Variants in FNTB observed in about 807,000 individuals in gnomAD.
The protein encoded by FNTB is protein farnesyltransferase subunit beta.
FNTB carries 27 observed loss-of-function variants against 59.4 expected under a neutral mutation model. The ratio of observed to expected loss-of-function variants is 0.45; its 90% CI spans 0.34 to 0.63. FNTB has a LOEUF of 0.63. Among genes scored for constraint, FNTB ranks in the 20% least tolerant of loss-of-function variants. FNTB has a pLI of 0.02. For synonymous variants in FNTB, 230 were observed against 220.7 expected (o/e 1.04, Z -0.37); for missense variants, 449 against 559.6 (o/e 0.80, Z 1.99).
At chr14:65,057,135 A>T (rs1365446731) in intron 11 of FNTB, among the ~76,000 whole-genome samples, 4 of 152,262 alleles carry the variant, frequency 2.6e-5, no homozygotes, top group Non-Finnish European at 4.4e-5. Flanking sequence ...TCCACCCCTC[A>T]AACCCAAACA....
chr14:64,996,660 T>A lies in FNTB; in HGVS notation c.145-7589T>A, dbSNP rs184437439. Among the ~76,000 whole-genome samples, 780 of 152,224 alleles carry A rather than the reference T, an allele frequency of 5.1e-3. 3 individuals are homozygous for A. The highest frequency in any genetic ancestry group is 7.9e-3 in the Non-Finnish European group (538 of 68,018). On this transcript the variant is annotated intron_variant, in intron 1 of 11. Coordinates refer to ENST00000246166, the MANE Select transcript of FNTB (RefSeq NM_002028.4). ...TGAGGTATCACAAAACTAAGCACTTTGAAATCCTTTTCCTTTATTTTTCTA... is the reference window on the plus strand; with the variant it reads ...TGAGGTATCACAAAACTAAGCACTTAGAAATCCTTTTCCTTTATTTTTCTA...
chr14:65,009,890 C>G lies in FNTB; in HGVS notation c.210-2427C>G, dbSNP rs1170116016. Among the ~76,000 whole-genome samples, 1 of 152,172 alleles carries G rather than the reference C, an allele frequency of 6.6e-6. No homozygotes were observed. The highest frequency in any genetic ancestry group is 1.5e-5 in the Non-Finnish European group (1 of 68,034). ...GACAGGGCTCTGCTTGTCATTTTCA[C>G]ATGTGTGTCCACCTCTGGACTGTCG... On this transcript the variant is annotated intron_variant, in intron 2 of 11. Transcript: ENST00000246166. The surrounding 1 kb of genome is among the most constrained non-coding windows in gnomAD (Gnocchi z 4.2).
chr14:65,033,974 T>C (rs1024169529), intron 7 of FNTB, among the ~76,000 whole-genome samples: 10 of 152,242 alleles, frequency 6.6e-5, no homozygotes, highest in African/African-American at 2.4e-4. Context: ...TGTATTACCA[T>C]ATAAATATAA....
chr14:65,037,292 T>TGG (rs1424949839), intron 7 of FNTB, among the ~76,000 whole-genome samples: 2 of 149,104 alleles, frequency 1.3e-5, no homozygotes, highest in African/African-American at 2.5e-5. Flanking sequence ...TTAGTAGAGA[T>TGG]GGGGTTTTAC....
intron 11 of FNTB, among the ~76,000 whole-genome samples, chr14:65,059,867 G>A (rs997802240): frequency 2.9e-5 from 4 of 135,800 alleles, no homozygotes; most frequent in African/African-American, 5.9e-5. Context: ...ACAGAGTCTC[G>A]CTGTTGCCCA....
rs376696058 is a variant in FNTB, at chr14:65,043,815, C to T, written c.823-496C>T. On this transcript the variant is annotated intron_variant, in intron 8 of 11. Transcript: ENST00000246166. ...CCGCAGTCCGGCCTGGGCGACAGAG[C>T]GAGACTCCGTCTCAAAAAAAAAAAA... is the stretch of plus-strand genomic sequence containing the variant. Among the ~76,000 whole-genome samples the T allele has an allele frequency of 1.7e-3, 186 of 110,540 alleles. 4 individuals are homozygous for T. The South Asian group carries it at 0.056, about 33-fold the overall frequency. 72.5% of individuals were successfully genotyped at this position (110,540 alleles called of 152,430 possible). A position where few individuals can be genotyped will look rare whatever the true frequency, so the allele number is the denominator to read the frequency against.
intron 4 of FNTB, among the ~76,000 whole-genome samples, chr14:65,019,680 T>A (rs2061850150): frequency 6.6e-6 from 1 of 152,238 alleles, no homozygotes. Flanking sequence ...TACCTGTGGT[T>A]CTTCTACGCA....
At position 65,014,778 on chromosome 14, in the gene FNTB, C is replaced by T. The variant is rs748766443; in HGVS notation, c.283-847C>T. ...GCAGTGAGCTGAGATCATACCACTGCACTCTAGCCTGGGTGACAGAGCGAG... is the reference window on the plus strand; with the variant it reads ...GCAGTGAGCTGAGATCATACCACTGTACTCTAGCCTGGGTGACAGAGCGAG... On this transcript the variant is annotated intron_variant, in intron 3 of 11. Coordinates refer to ENST00000246166, the MANE Select transcript of FNTB (RefSeq NM_002028.4). The surrounding 1 kb of genome is among the most constrained non-coding windows in gnomAD (Gnocchi z 5.1). 3.3e-5 allele frequency among the ~76,000 whole-genome samples: 5 copies of T among 152,144 alleles called. No individual in the cohort carries two copies. The highest frequency in any genetic ancestry group is 1.2e-4 in the African/African-American group (5 of 41,438).
chr14:65,044,501 G>A lies in FNTB; in HGVS notation c.955+58G>A. On this transcript the variant is annotated intron_variant, in intron 9 of 11. Transcript: ENST00000246166. The surrounding 1 kb of genome is among the most constrained non-coding windows in gnomAD (Gnocchi z 5.5). ...ATGATTTCCCTCCACTACTCACAAA[G>A]TCTGGAAGCCCAGCGTGCTTTTTTA... is the stretch of plus-strand genomic sequence containing the variant. The A allele has an allele frequency of 3.2e-6, 5 of 1,559,718 alleles. No homozygotes were observed. In the South Asian group the frequency reaches 3.6e-5, roughly 11 times the overall value.
chr14:65,000,893 C>T lies in FNTB; in HGVS notation c.145-3356C>T, dbSNP rs573015116. ...AAGAAAAGCAAAAGAAAAGAAGAGG[C>T]GATTCCTAAATTGTTTACCAAGACT... On this transcript the variant is annotated intron_variant, in intron 1 of 11. Transcript: ENST00000246166. 4.7e-4 allele frequency among the ~76,000 whole-genome samples: 70 copies of T among 147,886 alleles called. 4 individuals are homozygous for T. The South Asian group carries it at 0.015, about 31-fold the overall frequency.
chr14:65,019,479 T>C (rs1374977280), intron 4 of FNTB, among the ~76,000 whole-genome samples: 3 of 149,894 alleles, frequency 2.0e-5, no homozygotes, highest in African/African-American at 7.4e-5. Context: ...AGAAGGAGAC[T>C]GTTGTCTCAA....
chr14:65,005,202 G>A (rs72728236), intron 2 of FNTB, among the ~76,000 whole-genome samples: 14,237 of 152,234 alleles, frequency 0.094, 893 homozygotes, highest in Admixed American at 0.16. Context: ...CAGGTATTTT[G>A]AAAAGGGAAT....
Position 65,033,972 on chromosome 14 carries a change from CATATAA to C in FNTB, c.692+1283_692+1288del, listed in dbSNP as rs2062139835. 2.0e-5 allele frequency among the ~76,000 whole-genome samples: 3 copies of C among 152,068 alleles called. No individual in the cohort carries two copies. The South Asian group carries it at 6.2e-4, about 32-fold the overall frequency. On this transcript the variant is annotated intron_variant, in intron 7 of 11. Coordinates refer to ENST00000246166, the MANE Select transcript of FNTB (RefSeq NM_002028.4). ...TTTTTATCAAAGTAGTATGTATTAC[CATATAA>C]ATATAATTTACAGTGATACCAGATG...
chr14:65,060,380 G>C (rs1206804486), intron 11 of FNTB, among the ~76,000 whole-genome samples: 1 of 150,392 alleles, frequency 6.6e-6, no homozygotes. Context: ...CCTGAGGTCA[G>C]GAGTTCGAGA....
At position 64,986,931 on chromosome 14, in the gene FNTB, C is replaced by T; in HGVS notation, c.-23C>T. On this transcript the variant is annotated 5_prime_UTR_variant, in exon 1 of 12. Transcript: ENST00000246166. Reference sequence around the variant, plus strand: ...TTGCTTAACGAAGCAGAGTCCTACACACTGTCTGCTGCTCTCCTGATCATG... The same window carrying T: ...TTGCTTAACGAAGCAGAGTCCTACATACTGTCTGCTGCTCTCCTGATCATG... 1.2e-6 allele frequency: 2 copies of T among 1,613,728 alleles called. No homozygotes were observed. Among genetic ancestry groups the T allele is most frequent in the Non-Finnish European group, 1.7e-6 (2 of 1,179,590 alleles).
intron 2 of FNTB, chr14:65,006,156 CTTTT>C (rs367570902): frequency 6.5e-4 from 966 of 1,491,312 alleles, no homozygotes; most frequent in South Asian, 1.1e-3. Flanking sequence ...ACCTTTGTGT[CTTTT>C]TTTTTTTTTT....
rs112323207 is a variant in FNTB at position 65,044,522 on chromosome 14, T to C, written c.955+79T>C. The C allele has an allele frequency of 3.2e-4, 499 of 1,541,720 alleles. 3 individuals are homozygous for C. The African/African-American group carries it at 5.9e-3, about 18-fold the overall frequency. ...CAAAGTCTGGAAGCCCAGCGTGCTT[T>C]TTTAGAGGGGTTGAAATGAGCTCTG... On this transcript the variant is annotated intron_variant, in intron 9 of 11. Transcript: ENST00000246166. This position sits in a 1 kb window ranked among gnomAD's most constrained non-coding sequence, Gnocchi z 5.5.
At position 65,027,915 on chromosome 14, in the gene FNTB, G is replaced by C; in HGVS notation, c.605+134G>C. 2.7e-6 allele frequency: 3 copies of C among 1,121,718 alleles called. No homozygotes were observed. Among genetic ancestry groups the C allele is most frequent in the Non-Finnish European group, 3.9e-6 (3 of 774,282 alleles). 69.5% of individuals were successfully genotyped at this position (1,121,718 alleles called of 1,614,324 possible). A position where few individuals can be genotyped will look rare whatever the true frequency, so the allele number is the denominator to read the frequency against. On this transcript the variant is annotated intron_variant, in intron 6 of 11. Coordinates refer to ENST00000246166, the MANE Select transcript of FNTB (RefSeq NM_002028.4). The surrounding 1 kb of genome is among the most constrained non-coding windows in gnomAD (Gnocchi z 5.7). ...GAATGACACATGGGATGACATGTCAGTGACACGTCAGAATCATTCAGATGT... is the reference window on the plus strand; with the variant it reads ...GAATGACACATGGGATGACATGTCACTGACACGTCAGAATCATTCAGATGT...
At chr14:64,989,454 C>T (rs1305947420) in intron 1 of FNTB, among the ~76,000 whole-genome samples, 3 of 150,988 alleles carry the variant, frequency 2.0e-5, no homozygotes, top group Non-Finnish European at 2.9e-5. Context: ...AAACAAAAAA[C>T]GACTATACTG....
Sources: allele counts gnomAD v4.1 joint callset (sites outside exome capture counted in the v4.1 genomes callset), GRCh38; gene constraint gnomAD v4.1.1; non-coding constraint Gnocchi (gnomAD v3.1); transcripts MANE v1.5; gene names NCBI Gene and HGNC (gene_info 2026-07-23, HGNC 2026-07-21).